Variants in ZBTB20 observed in about 807,000 individuals in gnomAD.
ZBTB20 encodes the protein zinc finger and BTB domain-containing protein 20.
ZBTB20 carries 9 observed loss-of-function variants against 56.9 expected under a neutral mutation model. The ratio of observed to expected loss-of-function variants is 0.16; its 90% CI spans 0.10 to 0.28. The LOEUF is 0.28. Among genes scored for constraint, ZBTB20 ranks in the 10% least tolerant of loss-of-function variants. The pLI, the probability that ZBTB20 is intolerant of heterozygous loss-of-function variation, is 1.00. For synonymous variants in ZBTB20, 417 were observed against 420.7 expected, an observed-to-expected ratio of 0.99 and a Z score of 0.11; for missense variants, 655 against 1,003.0, an observed-to-expected ratio of 0.65 and a Z score of 4.69.
intron 10 of ZBTB20, among the ~76,000 whole-genome samples, chr3:114,365,995 C>G (rs1475784027): frequency 6.6e-6 from 1 of 152,184 alleles, no homozygotes; most frequent in Non-Finnish European, 1.5e-5. Context: ...TACAAATGCA[C>G]TACATCATTA....
At chr3:114,900,864 C>T (rs1443049134) in intron 3 of ZBTB20, among the ~76,000 whole-genome samples, 1 of 152,096 alleles carries the variant, frequency 6.6e-6, no homozygotes, top group African/African-American at 2.4e-5. Flanking sequence ...TGAGTTACAA[C>T]AGCAAATAGA....
chr3:114,864,077 C>G (rs190345958), intron 4 of ZBTB20, among the ~76,000 whole-genome samples: 117 of 152,168 alleles, frequency 7.7e-4, no homozygotes, highest in Non-Finnish European at 1.4e-3. Flanking sequence ...AAATCAAGAA[C>G]TAGATACAGG....
At chr3:114,997,966 T>C (rs1450894408) in intron 2 of ZBTB20, among the ~76,000 whole-genome samples, 1 of 151,810 alleles carries the variant, frequency 6.6e-6, no homozygotes, top group Non-Finnish European at 1.5e-5. Context: ...TAGAAATGGA[T>C]AGATTTCATT....
chr3:114,566,253 T>C (rs1288866796), intron 6 of ZBTB20, among the ~76,000 whole-genome samples: 1 of 152,162 alleles, frequency 6.6e-6, no homozygotes, highest in East Asian at 1.9e-4. Flanking sequence ...TGAAACTCTT[T>C]CTAACCAGTT....
chr3:114,630,022 C>T (rs771135305), intron 6 of ZBTB20, among the ~76,000 whole-genome samples: 75 of 152,210 alleles, frequency 4.9e-4, no homozygotes, highest in Non-Finnish European at 9.4e-4. Flanking sequence ...TGCCTGCAGT[C>T]CCAGCTACTT....
At chr3:114,838,714 G>A (rs1283468547) in intron 4 of ZBTB20, among the ~76,000 whole-genome samples, 1 of 152,088 alleles carries the variant, frequency 6.6e-6, no homozygotes. Flanking sequence ...AGTACAAATA[G>A]GGTCAGGTAA....
At chr3:114,813,826 T>TAATCTAGAA (rs1399638427) in intron 4 of ZBTB20, among the ~76,000 whole-genome samples, 33 of 152,308 alleles carry the variant, frequency 2.2e-4, no homozygotes, top group African/African-American at 7.9e-4. Flanking sequence ...ATAATCTAGA[T>TAATCTAGAA]AATCTAGAAT....
At position 114,339,311 on chromosome 3, in the gene ZBTB20, G is replaced by A; in HGVS notation, c.1920C>T (p.Asn640=). The change falls in exon 12 of 12, where the codon AAC becomes AAT. Residue 640 remains asparagine, a synonymous_variant. Transcript: ENST00000675478. This position sits in a 1 kb window ranked among gnomAD's most constrained non-coding sequence, Gnocchi z 4.2. ...GVRAYQCSIC[N]KRFTQKSSLN... Reference sequence around the variant, plus strand: ...GGGAGCTCTTCTGGGTGAAGCGCTTGTTGCAGATACTACACTGGTATGCCC... The same window carrying A: ...GGGAGCTCTTCTGGGTGAAGCGCTTATTGCAGATACTACACTGGTATGCCC... 1 of 1,614,210 alleles carries A rather than the reference G, an allele frequency of 6.2e-7. No individual in the cohort carries two copies. The highest frequency in any genetic ancestry group is 1.1e-5 in the South Asian group (1 of 91,092).
chr3:114,934,081 C>A lies in ZBTB20; in HGVS notation c.-455-33739G>T, dbSNP rs1298811388. On this transcript the variant is annotated intron_variant, in intron 3 of 11. Coordinates refer to ENST00000675478, the MANE Select transcript of ZBTB20 (RefSeq NM_001348800.3). ...AATACCCCACCTTAGAATACAAGAACCCATTATGTACTTGCCCTTTTCTGT... is the reference window on the plus strand; with the variant it reads ...AATACCCCACCTTAGAATACAAGAAACCATTATGTACTTGCCCTTTTCTGT... 2.6e-5 allele frequency among the ~76,000 whole-genome samples: 4 copies of A among 152,278 alleles called. No individual in the cohort carries two copies. In the East Asian group the frequency reaches 7.7e-4, roughly 29 times the overall value.
chr3:115,014,005 T>C (rs1034913655), intron 2 of ZBTB20, among the ~76,000 whole-genome samples: 1 of 151,630 alleles, frequency 6.6e-6, no homozygotes, highest in Non-Finnish European at 1.5e-5. Flanking sequence ...GTGATATTTA[T>C]AATAGCAACC....
rs1308147669 is a variant in ZBTB20, at chr3:114,323,144, C to G, written c.*15861G>C. ...ACAGTTACTAAAGAGCTGTCAAACT[C>G]TGATTACTTCTAAGATTAAAAAAGA... On this transcript the variant is annotated 3_prime_UTR_variant, in exon 12 of 12. Transcript: ENST00000675478. 1 of 152,158 alleles carries G rather than the reference C, an allele frequency of 6.6e-6. No individual in the cohort carries two copies. The highest frequency in any genetic ancestry group is 1.9e-4 in the East Asian group (1 of 5,200). The allele number at this position is 152,158 out of a possible 1,614,324, so 9.4% of individuals were successfully genotyped here. A position where few individuals can be genotyped will look rare whatever the true frequency, so the allele number is the denominator to read the frequency against.
At chr3:114,472,652 G>A (rs2040269880) in intron 7 of ZBTB20, among the ~76,000 whole-genome samples, 1 of 151,910 alleles carries the variant, frequency 6.6e-6, no homozygotes, top group South Asian at 2.1e-4. Flanking sequence ...AGGTTGCAGT[G>A]AGCCGAGATT....
chr3:114,453,586 AC>A (rs1417537546), intron 7 of ZBTB20: 1 of 152,146 alleles, frequency 6.6e-6, no homozygotes, highest in Non-Finnish European at 1.5e-5. Flanking sequence ...GATTTTGGCG[AC>A]CCAGAAAGGG....
intron 1 of ZBTB20, among the ~76,000 whole-genome samples, chr3:115,122,926 T>C (rs1440030812): frequency 6.6e-6 from 1 of 152,118 alleles, no homozygotes; most frequent in Non-Finnish European, 1.5e-5. Flanking sequence ...ACACCCATTC[T>C]TGAGGCAAAC....
chr3:114,608,377 G>A (rs1471344832), intron 6 of ZBTB20, among the ~76,000 whole-genome samples: 7 of 152,028 alleles, frequency 4.6e-5, no homozygotes, highest in Non-Finnish European at 1.0e-4. Context: ...AAATGCCAAG[G>A]CCCCTTCGTG....
rs1194070320 is a variant in ZBTB20 at position 114,338,908 on chromosome 3, C to G, written c.*97G>C. 5.8e-6 allele frequency: 8 copies of G among 1,380,998 alleles called. No individual in the cohort carries two copies. Among genetic ancestry groups the G allele is most frequent in the Non-Finnish European group, 7.7e-6 (8 of 1,038,628 alleles). 85.5% of individuals were successfully genotyped at this position (1,380,998 alleles called of 1,614,324 possible). ...ACAAAAACAGAAAGTAAAAATGAAA[C>G]CAAAACATTTCTTAAATTCTAGTGC... On this transcript the variant is annotated 3_prime_UTR_variant, in exon 12 of 12. Transcript: ENST00000675478.
At chr3:114,886,099 T>C (rs527422284) in intron 4 of ZBTB20, among the ~76,000 whole-genome samples, 2 of 152,190 alleles carry the variant, frequency 1.3e-5, no homozygotes, top group Non-Finnish European at 2.9e-5. Flanking sequence ...ACCCTAATAG[T>C]GGTCTGCTCC....
chr3:115,118,574 C>T (rs547311761), intron 1 of ZBTB20, among the ~76,000 whole-genome samples: 43 of 152,122 alleles, frequency 2.8e-4, no homozygotes, highest in African/African-American at 1.0e-3. Flanking sequence ...CAGAACTAAC[C>T]GTTTTACACT....
chr3:115,122,331 G>A (rs922308950), intron 1 of ZBTB20, among the ~76,000 whole-genome samples: 1 of 151,792 alleles, frequency 6.6e-6, no homozygotes, highest in African/African-American at 2.4e-5. Flanking sequence ...TTCATATTTG[G>A]TTCCTCCCTA....
Sources: allele counts gnomAD v4.1 joint callset (sites outside exome capture counted in the v4.1 genomes callset), GRCh38; gene constraint gnomAD v4.1.1; non-coding constraint Gnocchi (gnomAD v3.1); transcripts MANE v1.5; gene names NCBI Gene and HGNC (gene_info 2026-07-23, HGNC 2026-07-21).